Variants in VIT observed in about 807,000 individuals in gnomAD.
The protein encoded by VIT is vitrin.
A neutral mutation model predicts 78.0 loss-of-function variants in VIT; 99 were observed. The observed-to-expected ratio is 1.27, with a 90% confidence interval of 1.08 to 1.50. VIT has a LOEUF of 1.50. Ranked by LOEUF, VIT falls within the 40% of genes most tolerant of loss-of-function variation. The probability of loss-of-function intolerance (pLI) is 0.00; values close to 1 mark genes in which losing one functional copy is unlikely to be tolerated. For missense variants in VIT, 1,126 were observed against 875.3 expected (o/e 1.29, Z -3.61); for synonymous variants, 374 against 334.3 (o/e 1.12, Z -1.29).
chr2:36,814,530 G>T lies in VIT; in HGVS notation c.*169G>T. The T allele has an allele frequency of 1.2e-6, 1 of 865,790 alleles. No individual in the cohort carries two copies. Among genetic ancestry groups the T allele is most frequent in the Non-Finnish European group, 1.7e-6 (1 of 589,248 alleles). 53.6% of individuals were successfully genotyped at this position (865,790 alleles called of 1,614,324 possible). The stretch of plus-strand genomic sequence containing the variant: ...CATGCTTTTTCATATTCCAAAACTT[G>T]GAGTTACAAAGATGATCACAAACGT... On this transcript the variant is annotated 3_prime_UTR_variant, in exon 16 of 16. Coordinates refer to ENST00000379242, the MANE Select transcript of VIT (RefSeq NM_053276.4).
In VIT at chr2:36,814,241, T is replaced by G. The variant is rs1365145047; in HGVS notation, c.1962T>G (p.Ile654Met). The change falls in exon 16 of 16, where the codon ATT (isoleucine) becomes ATG (methionine). Residue 654 changes from isoleucine (I) to methionine (M), a missense_variant. Ile to Met is a conservative substitution (Grantham distance 10, BLOSUM62 1). Coordinates refer to ENST00000379242, the MANE Select transcript of VIT (RefSeq NM_053276.4). ...AWAAQEELEV[I>M]ATHPARDHSF... ...CTGCCCAAGAGGAGCTAGAAGTCATTGCCACTCACCCCGCCAGAGACCACT... is the reference window on the plus strand; with the variant it reads ...CTGCCCAAGAGGAGCTAGAAGTCATGGCCACTCACCCCGCCAGAGACCACT... The G allele has an allele frequency of 6.2e-7, 1 of 1,614,218 alleles. No individual in the cohort carries two copies. The highest frequency in any genetic ancestry group is 1.7e-5 in the Admixed American group (1 of 60,024).
At chr2:36,751,569 T>C (rs946354611) in intron 4 of VIT, among the ~76,000 whole-genome samples, 2 of 151,998 alleles carry the variant, frequency 1.3e-5, no homozygotes, top group African/African-American at 4.8e-5. Context: ...GTAGTGAAAG[T>C]TGGGAAATGC....
intron 3 of VIT, among the ~76,000 whole-genome samples, chr2:36,742,080 T>C (rs1002551712): frequency 8.5e-5 from 13 of 152,200 alleles, no homozygotes; most frequent in Non-Finnish European, 1.6e-4. Context: ...GCTCACGTTT[T>C]AAAGTTCCCT....
Position 36,729,323 on chromosome 2 carries a change from C to A in VIT, c.53-103C>A, listed in dbSNP as rs1573168499. 2.1e-5 allele frequency: 20 copies of A among 974,160 alleles called. No homozygotes were observed. In the South Asian group the frequency reaches 3.5e-4, roughly 17 times the overall value. The allele number at this position is 974,160 out of a possible 1,614,324, so 60.3% of individuals were successfully genotyped here. A position where few individuals can be genotyped will look rare whatever the true frequency, so the allele number is the denominator to read the frequency against. On this transcript the variant is annotated intron_variant, in intron 2 of 15. Coordinates refer to ENST00000379242, the MANE Select transcript of VIT (RefSeq NM_053276.4). ...CTGTAAGAGGGAAAATTAGTTCTGC[C>A]ATGGAGAATACTTTGTGGATGATCG...
intron 4 of VIT, among the ~76,000 whole-genome samples, chr2:36,745,439 C>A (rs1668079523): frequency 6.6e-6 from 1 of 152,152 alleles, no homozygotes. Context: ...TCTTCCACTC[C>A]ATGAGCATGG....
intron 2 of VIT, among the ~76,000 whole-genome samples, chr2:36,718,981 G>T (rs1047602595): frequency 1.3e-5 from 2 of 152,238 alleles, no homozygotes; most frequent in African/African-American, 2.4e-5. Flanking sequence ...GGTGGGACAA[G>T]AGGTTAGGAA....
intron 3 of VIT, among the ~76,000 whole-genome samples, chr2:36,742,678 A>G (rs548387564): frequency 1.3e-5 from 2 of 152,164 alleles, no homozygotes; most frequent in South Asian, 2.1e-4. Flanking sequence ...CCTAACTCCA[A>G]TGCTCCCACC....
intron 3 of VIT, among the ~76,000 whole-genome samples, chr2:36,735,211 G>T (rs1667442342): frequency 6.6e-6 from 1 of 151,988 alleles, no homozygotes; most frequent in African/African-American, 2.4e-5. Flanking sequence ...TGGCATGGGG[G>T]TCTTACAAAG....
chr2:36,717,487 C>A (rs1481075722), intron 2 of VIT, among the ~76,000 whole-genome samples: 1 of 151,434 alleles, frequency 6.6e-6, no homozygotes, highest in Non-Finnish European at 1.5e-5. Flanking sequence ...CCTCCTGCCT[C>A]AGCCTCCCAA....
intron 4 of VIT, among the ~76,000 whole-genome samples, chr2:36,746,221 A>G (rs1668125462): frequency 6.6e-6 from 1 of 152,058 alleles, no homozygotes; most frequent in Non-Finnish European, 1.5e-5. Flanking sequence ...CACTCTGTTG[A>G]GGATTTTTGC....
At chr2:36,700,415 T>C (rs940001912) in intron 1 of VIT, among the ~76,000 whole-genome samples, 1 of 152,014 alleles carries the variant, frequency 6.6e-6, no homozygotes, top group African/African-American at 2.4e-5. Flanking sequence ...GGTGGCGATG[T>C]TATAATGATT....
intron 7 of VIT, among the ~76,000 whole-genome samples, chr2:36,770,560 C>G (rs1669685055): frequency 6.6e-6 from 1 of 152,110 alleles, no homozygotes; most frequent in African/African-American, 2.4e-5. Context: ...GGTAAGGGAG[C>G]CGAAAGCCAG....
chr2:36,800,473 G>C (rs1222000403), intron 12 of VIT, among the ~76,000 whole-genome samples: 1 of 152,200 alleles, frequency 6.6e-6, no homozygotes, highest in Non-Finnish European at 1.5e-5. Flanking sequence ...TGCCAAGCCT[G>C]GGCCTTTCTG....
chr2:36,704,550 C>T (rs1217267407), intron 1 of VIT, among the ~76,000 whole-genome samples: 1 of 152,158 alleles, frequency 6.6e-6, no homozygotes, highest in Non-Finnish European at 1.5e-5. Flanking sequence ...AGGAAGGCCT[C>T]TGAAGTAGGA....
chr2:36,707,258 C>T (rs1050655534), intron 1 of VIT, among the ~76,000 whole-genome samples: 1 of 152,154 alleles, frequency 6.6e-6, no homozygotes, highest in African/African-American at 2.4e-5. Flanking sequence ...ATAGCTCTGA[C>T]TCATTTCTCT....
chr2:36,711,173 G>A (rs1368212667), intron 1 of VIT, among the ~76,000 whole-genome samples: 1 of 151,974 alleles, frequency 6.6e-6, no homozygotes, highest in African/African-American at 2.4e-5. Context: ...TACACTTCCT[G>A]GTCACCAGTG....
chr2:36,812,175 A>G (rs1444077764), intron 15 of VIT, among the ~76,000 whole-genome samples: 5 of 152,102 alleles, frequency 3.3e-5, no homozygotes, highest in African/African-American at 9.7e-5. Context: ...TGGAGGAGGG[A>G]GAAAGGGGAC....
At chr2:36,765,880 C>T (rs574138577) in intron 6 of VIT, among the ~76,000 whole-genome samples, 1 of 152,250 alleles carries the variant, frequency 6.6e-6, no homozygotes, top group Non-Finnish European at 1.5e-5. Flanking sequence ...TTTTAAGCCA[C>T]CCAGTTTGTG....
intron 1 of VIT, among the ~76,000 whole-genome samples, chr2:36,698,096 T>C (rs144437979): frequency 5.3e-5 from 8 of 152,292 alleles, no homozygotes; most frequent in African/African-American, 1.4e-4. Context: ...TGAATTAAAA[T>C]ACCCTCTTTT....
Sources: allele counts gnomAD v4.1 joint callset (sites outside exome capture counted in the v4.1 genomes callset), GRCh38; gene constraint gnomAD v4.1.1; transcripts MANE v1.5; gene names NCBI Gene and HGNC (gene_info 2026-07-23, HGNC 2026-07-21).